The following GALNT10 variants were observed in gnomAD, a reference collection of about 807,000 sequenced individuals.
The protein encoded by GALNT10 is GalNAc transferase 10.
In GALNT10, 41 loss-of-function variants were observed where a neutral mutation model predicts 75.0. That is an observed-to-expected ratio of 0.55 (90% CI 0.43 to 0.71). The LOEUF is 0.71. GALNT10 is among the 30% of genes least tolerant of loss of function. GALNT10 has a pLI of 0.00. For missense variants in GALNT10, 727 were observed against 818.5 expected, an observed-to-expected ratio of 0.89 and a Z score of 1.36; for synonymous variants, 302 against 313.0, an observed-to-expected ratio of 0.96 and a Z score of 0.37.
intron 8 of GALNT10, among the ~76,000 whole-genome samples, chr5:154,406,766 C>T (rs569929452): frequency 2.0e-4 from 31 of 152,318 alleles, no homozygotes; most frequent in Admixed American, 1.2e-3. Flanking sequence ...CACTGTACTC[C>T]AGCCTGAGCG....
intron 4 of GALNT10, among the ~76,000 whole-genome samples, chr5:154,336,587 G>A (rs1038908326): frequency 6.6e-6 from 1 of 152,078 alleles, no homozygotes; most frequent in African/African-American, 2.4e-5. Context: ...ATATGATATA[G>A]AGCATCTCTT....
chr5:154,225,580 CT>C (rs1753050441), intron 1 of GALNT10, among the ~76,000 whole-genome samples: 1 of 151,384 alleles, frequency 6.6e-6, no homozygotes, highest in Non-Finnish European at 1.5e-5. Flanking sequence ...TTATTTTTAT[CT>C]TTTGTTGAGA....
intron 4 of GALNT10, among the ~76,000 whole-genome samples, chr5:154,353,989 A>AGG (rs1266200724): frequency 7.9e-5 from 12 of 152,190 alleles, no homozygotes; most frequent in African/African-American, 2.9e-4. Context: ...GACATCATTA[A>AGG]GTGTTGAATT....
chr5:154,317,091 C>A (rs28688365), intron 3 of GALNT10, among the ~76,000 whole-genome samples: 1 of 152,170 alleles, frequency 6.6e-6, no homozygotes, highest in Non-Finnish European at 1.5e-5. Flanking sequence ...TGAGGCTCAT[C>A]ATGGGATAGG....
chr5:154,254,291 G>C (rs1015938736), intron 1 of GALNT10, among the ~76,000 whole-genome samples: 6 of 152,230 alleles, frequency 3.9e-5, no homozygotes, highest in Non-Finnish European at 7.4e-5. Flanking sequence ...GGGATTCAGA[G>C]ATACTGAAGA....
chr5:154,393,904 C>A (rs1582008809), intron 7 of GALNT10, among the ~76,000 whole-genome samples: 1 of 152,176 alleles, frequency 6.6e-6, no homozygotes, highest in Admixed American at 6.5e-5. Flanking sequence ...CCACCCCCAT[C>A]CATATACATT....
rs1322908689 is a variant in GALNT10, at chr5:154,352,952, C to T, written c.568+23214C>T. ...CTTCTGTCTCAAGCTCTGTGTCATCCGAAGGTGAACTTGGATCCAGGAATC... is the reference window on the plus strand; with the variant it reads ...CTTCTGTCTCAAGCTCTGTGTCATCTGAAGGTGAACTTGGATCCAGGAATC... On this transcript the variant is annotated intron_variant, in intron 4 of 11. Coordinates refer to ENST00000297107, the MANE Select transcript of GALNT10 (RefSeq NM_198321.4). The surrounding 1 kb of genome is among the most constrained non-coding windows in gnomAD (Gnocchi z 4.4). Among the ~76,000 whole-genome samples, 1 of 152,126 alleles carries T rather than the reference C, an allele frequency of 6.6e-6. No individual in the cohort carries two copies. The highest frequency in any genetic ancestry group is 2.4e-5 in the African/African-American group (1 of 41,410).
chr5:154,360,623 A>G (rs945064127), intron 4 of GALNT10, among the ~76,000 whole-genome samples: 2 of 152,226 alleles, frequency 1.3e-5, no homozygotes, highest in Non-Finnish European at 2.9e-5. Context: ...GTGTAAACAT[A>G]TAGAAAAAGA....
chr5:154,246,077 C>T (rs1425614773), intron 1 of GALNT10, among the ~76,000 whole-genome samples: 7 of 150,848 alleles, frequency 4.6e-5, no homozygotes, highest in Admixed American at 1.3e-4. Flanking sequence ...TTTGTCCTTG[C>T]GATAGTTTGC....
At chr5:154,380,376 G>A in intron 5 of GALNT10, 72 bp from the exon 6 acceptor site, 2 of 1,176,750 alleles carry the variant, frequency 1.7e-6, no homozygotes, top group South Asian at 2.8e-5. Flanking sequence ...CAAGTAAGCT[G>A]CAGAACAGGA....
chr5:154,365,742 C>G (rs573237205), intron 4 of GALNT10, among the ~76,000 whole-genome samples: 23 of 152,294 alleles, frequency 1.5e-4, no homozygotes, highest in Admixed American at 2.6e-4. Context: ...CCCTCTCACC[C>G]TTCCTTCCAC....
intron 4 of GALNT10, among the ~76,000 whole-genome samples, chr5:154,330,315 G>A (rs769363139): frequency 1.1e-4 from 17 of 152,254 alleles, no homozygotes; most frequent in Non-Finnish European, 1.9e-4. Context: ...CTATCTGCAA[G>A]GAAGGCAGGG....
chr5:154,345,691 G>C (rs1172001857), intron 4 of GALNT10, among the ~76,000 whole-genome samples: 1 of 137,986 alleles, frequency 7.2e-6, no homozygotes, highest in Non-Finnish European at 1.5e-5. Flanking sequence ...CTGGAGTGCA[G>C]TGCCCCAGTC....
At chr5:154,242,661 T>C (rs1753355703) in intron 1 of GALNT10, among the ~76,000 whole-genome samples, 2 of 152,200 alleles carry the variant, frequency 1.3e-5, no homozygotes, top group Admixed American at 6.5e-5. Flanking sequence ...TGTGGGATTA[T>C]GCCCAAGCAC....
chr5:154,378,559 A>T (rs1331342590), intron 5 of GALNT10, among the ~76,000 whole-genome samples: 1 of 152,116 alleles, frequency 6.6e-6, no homozygotes, highest in Non-Finnish European at 1.5e-5. Flanking sequence ...AGTGCTGACT[A>T]TGTGCCAGAG....
At chr5:154,194,885 C>T (rs1774912101) in intron 1 of GALNT10, among the ~76,000 whole-genome samples, 1 of 152,154 alleles carries the variant, frequency 6.6e-6, no homozygotes, top group African/African-American at 2.4e-5. Context: ...AGGGCTTTTC[C>T]AACTCTTACA....
chr5:154,403,468 A>T (rs1756209585), intron 7 of GALNT10, among the ~76,000 whole-genome samples: 1 of 152,234 alleles, frequency 6.6e-6, no homozygotes, highest in Non-Finnish European at 1.5e-5. Flanking sequence ...TGCACAGCCT[A>T]GCAAGCCAGA....
intron 7 of GALNT10, among the ~76,000 whole-genome samples, chr5:154,403,231 G>C (rs555299849): frequency 6.6e-6 from 1 of 152,226 alleles, no homozygotes; most frequent in East Asian, 1.9e-4. Context: ...AAGTCATCAA[G>C]TGGGTAAGTG....
At chr5:154,233,972 C>T (rs994269231) in intron 1 of GALNT10, among the ~76,000 whole-genome samples, 1 of 152,040 alleles carries the variant, frequency 6.6e-6, no homozygotes, top group African/African-American at 2.4e-5. Flanking sequence ...AGAGTCCCTT[C>T]CTTCCAAGGC....
Sources: gnomAD v4.1 joint callset for allele counts (sites outside exome capture counted in the v4.1 genomes callset) on GRCh38, gnomAD v4.1.1 for gene constraint, Gnocchi (gnomAD v3.1) non-coding constraint, MANE v1.5 for transcripts, NCBI Gene and HGNC (gene_info 2026-07-23, HGNC 2026-07-21) for gene names.